Variants in PCDHGB4 observed in about 807,000 individuals in gnomAD.
PCDHGB4 encodes protocadherin gamma-B4.
PCDHGB4 carries 38 observed loss-of-function variants against 60.5 expected under a neutral mutation model. That is an observed-to-expected ratio of 0.63 (90% CI 0.48 to 0.82). The LOEUF (loss-of-function observed/expected upper bound fraction) is 0.82. Among genes scored for constraint, PCDHGB4 ranks in the 40% least tolerant of loss-of-function variants. The pLI is 0.00. For missense variants in PCDHGB4, 1,109 were observed against 1,209.6 expected (o/e 0.92, Z 1.23); for synonymous variants, 456 against 509.7 (o/e 0.89, Z 1.42).
rs886099464 is a variant in PCDHGB4, at chr5:141,389,778, G to A, written c.1894G>A (p.Asp632Asn). 1.9e-6 allele frequency: 3 copies of A among 1,613,134 alleles called. No homozygotes were observed. Among genetic ancestry groups the A allele is most frequent in the Non-Finnish European group, 2.5e-6 (3 of 1,179,760 alleles). Residue 632 changes from aspartate to asparagine, a missense_variant, in exon 1 of 4, where the codon GAC becomes AAC. Physicochemically the swap from Asp to Asn is conservative, Grantham distance 23. Coordinates refer to ENST00000519479, the MANE Select transcript of PCDHGB4 (RefSeq NM_003736.4). ...AGTGCGCACAGCGCGTGCCTTAGGC[G>A]ACAGGGACGCCGTCCGCCAGCGCCT... The part of the protein sequence containing the change: ...GEVRTARALG[D>N]RDAVRQRLLV...
In PCDHGB4 at chr5:141,512,739, T is replaced by C. The variant is rs1251649814; in HGVS notation, c.*1566T>C. The stretch of plus-strand genomic sequence containing the variant: ...GGCGGGTGGGCAGCGGGCGGCGGGC[T>C]CCGCGCAGCCGTCTGTCCTTGATCT... On this transcript the variant is annotated 3_prime_UTR_variant, in exon 4 of 4. Transcript: ENST00000519479. 1 of 152,822 alleles carries C rather than the reference T, an allele frequency of 6.5e-6. No individual in the cohort carries two copies. The highest frequency in any genetic ancestry group is 2.4e-5 in the African/African-American group (1 of 41,464). 9.5% of individuals were successfully genotyped at this position (152,822 alleles called of 1,614,324 possible).
Position 141,510,982 on chromosome 5 carries a change from G to A in PCDHGB4, c.2581G>A (p.Ala861Thr). The A allele has an allele frequency of 3.1e-6, 5 of 1,614,166 alleles. No homozygotes were observed. Among genetic ancestry groups the A allele is most frequent in the Non-Finnish European group, 3.4e-6 (4 of 1,180,018 alleles). Reference protein sequence around the residue: ...ADGSSTLGGGAGTMGLSARYG... With the variant: ...ADGSSTLGGGTGTMGLSARYG... Reference sequence around the variant, plus strand: ...TGGGAGCTCCACCCTGGGAGGGGGTGCCGGCACCATGGGATTGAGCGCCCG... The same window carrying A: ...TGGGAGCTCCACCCTGGGAGGGGGTACCGGCACCATGGGATTGAGCGCCCG... The change falls in exon 4 of 4, where the codon GCC (alanine) becomes ACC (threonine). Residue 861 changes from alanine to threonine, a missense_variant. Around this residue, in one of 2 missense-constraint regions of PCDHGB4, gnomAD observed 1,068 missense variants for 1,089.9 expected, o/e 0.98. Coordinates refer to ENST00000519479, the MANE Select transcript of PCDHGB4 (RefSeq NM_003736.4).
intron 1 of PCDHGB4, among the ~76,000 whole-genome samples, chr5:141,436,832 C>T (rs1242760381): frequency 6.6e-6 from 1 of 152,172 alleles, no homozygotes; most frequent in African/African-American, 2.4e-5. Flanking sequence ...ATCTTAAGTG[C>T]CTAGGCACAT....
rs1445900617 is a variant in PCDHGB4, at chr5:141,388,887, G to T, written c.1003G>T (p.Val335Phe). 1 of 1,613,988 alleles carries T rather than the reference G, an allele frequency of 6.2e-7. No individual in the cohort carries two copies. The highest frequency in any genetic ancestry group is 1.1e-5 in the South Asian group (1 of 91,080). ...MIAQCTVEVEVIDENDNAPEV... is the reference protein window; with the variant it reads ...MIAQCTVEVEFIDENDNAPEV... ...TGCGCAATGCACAGTGGAGGTAGAA[G>T]TCATAGATGAAAATGACAACGCCCC... The change falls in exon 1 of 4, where the codon GTC becomes TTC. Residue 335 changes from valine to phenylalanine, a missense_variant. By Grantham distance (50) the Val-to-Phe change is conservative. Around this residue, in one of 2 missense-constraint regions of PCDHGB4, gnomAD observed 1,068 missense variants for 1,089.9 expected, o/e 0.98. Transcript: ENST00000519479.
At chr5:141,394,471 T>C (rs2093007845) in intron 1 of PCDHGB4, 3 of 1,614,250 alleles carry the variant, frequency 1.9e-6, no homozygotes, top group Non-Finnish European at 2.5e-6. Flanking sequence ...CTGTTCGTGC[T>C]GGACCAGAAT....
At position 141,389,374 on chromosome 5, in the gene PCDHGB4, G is replaced by C. The variant is rs192606668; in HGVS notation, c.1490G>C (p.Arg497Pro). 6 of 1,613,666 alleles carry C rather than the reference G, an allele frequency of 3.7e-6. No homozygotes were observed. The highest frequency in any genetic ancestry group is 1.7e-5 in the Admixed American group (1 of 60,012). The change falls in exon 1 of 4, where the codon CGG (arginine) becomes CCG (proline). Residue 497 changes from arginine (R) to proline (P), a missense_variant. Around this residue, in one of 2 missense-constraint regions of PCDHGB4, gnomAD observed 1,068 missense variants for 1,089.9 expected, o/e 0.98. Coordinates refer to ENST00000519479, the MANE Select transcript of PCDHGB4 (RefSeq NM_003736.4). Reference protein sequence around the residue: ...YCIMASDLEQRELSSYVSISA... With the variant: ...YCIMASDLEQPELSSYVSISA... ...ATCATGGCCAGTGACCTGGAGCAGC[G>C]GGAGCTGTCATCCTACGTGTCCATA...
chr5:141,494,431 T>C (rs1403792155), intron 1 of PCDHGB4, among the ~76,000 whole-genome samples: 1 of 152,158 alleles, frequency 6.6e-6, no homozygotes, highest in Non-Finnish European at 1.5e-5. Context: ...TTGAAAAGCC[T>C]CCTTTGCCAC....
intron 1 of PCDHGB4, among the ~76,000 whole-genome samples, chr5:141,457,755 A>G (rs1011599369): frequency 2.0e-5 from 3 of 152,226 alleles, no homozygotes; most frequent in African/African-American, 4.8e-5. Flanking sequence ...GAGCCCAGAC[A>G]TGGGTTTGTA....
chr5:141,477,087 C>A lies in PCDHGB4; in HGVS notation c.2398-17720C>A, dbSNP rs748424193. 14 of 1,614,244 alleles carry A rather than the reference C, an allele frequency of 8.7e-6. No individual in the cohort carries two copies. Among genetic ancestry groups the A allele is most frequent in the Non-Finnish European group, 8.5e-7 (1 of 1,180,048 alleles). On this transcript the variant is annotated intron_variant, in intron 1 of 3. Transcript: ENST00000519479. This position sits in a 1 kb window ranked among gnomAD's most constrained non-coding sequence, Gnocchi z 4.9. ...AAACTCCATGAGATTTACATCCAGG[C>A]CAAAGACAAGGGCGCCAATCCCGAA...
Position 141,410,849 on chromosome 5 carries a change from C to CTTTTTTTTT in PCDHGB4, c.2397+20582_2397+20590dup, listed in dbSNP as rs759346998. 1.7e-3 allele frequency: 239 copies of CTTTTTTTTT among 138,144 alleles called. 16 individuals are homozygous for CTTTTTTTTT. Among genetic ancestry groups the CTTTTTTTTT allele is most frequent in the African/African-American group, 4.5e-3 (75 of 16,616 alleles). 8.6% of individuals were successfully genotyped at this position (138,144 alleles called of 1,614,324 possible). On this transcript the variant is annotated intron_variant, in intron 1 of 3. Coordinates refer to ENST00000519479, the MANE Select transcript of PCDHGB4 (RefSeq NM_003736.4). ...CAGACTGAAGATATTTTGTCTTTGT[C>CTTTTTTTTT]TTTTTTTTTTTTTTTTTTTTTTGAG...
chr5:141,494,198 C>T (rs1383940298), intron 1 of PCDHGB4, among the ~76,000 whole-genome samples: 8 of 152,158 alleles, frequency 5.3e-5, no homozygotes, highest in African/African-American at 1.7e-4. Context: ...TTGGATGCCC[C>T]GCAAAGGCCC....
chr5:141,478,259 T>A lies in PCDHGB4; in HGVS notation c.2398-16548T>A, dbSNP rs534973741. ...GGTCACAGTGTTCGGAGTAATCATA[T>A]TCAAAGTTTACAAGTGGAAGCAGTC... On this transcript the variant is annotated intron_variant, in intron 1 of 3. Transcript: ENST00000519479. 3.2e-5 allele frequency: 52 copies of A among 1,614,064 alleles called. No individual in the cohort carries two copies. The highest frequency in any genetic ancestry group is 4.4e-5 in the Non-Finnish European group (52 of 1,180,048).
At chr5:141,392,837 C>T (rs772636303) in intron 1 of PCDHGB4, 1 of 1,608,294 alleles carries the variant, frequency 6.2e-7, no homozygotes. Context: ...AGAGTCGCCC[C>T]AGACGCGGCG....
At position 141,388,141 on chromosome 5, in the gene PCDHGB4, T is replaced by C. The variant is rs1239201119; in HGVS notation, c.257T>C (p.Val86Ala). Residue 86 changes from valine to alanine, a missense_variant, in exon 1 of 4, where the codon GTG becomes GCG. This residue lies in a region of PCDHGB4 where 1,068 missense variants were observed against 1,089.9 expected (regional missense o/e 0.98). Transcript: ENST00000519479. ...AGCGCAGAGAGCGGGGAGTTGCTTG[T>C]GAGCAGCAGGCTAGACAGGGAGGAG... Reference protein sequence around the residue: ...TVSAESGELLVSSRLDREEIC... With the variant: ...TVSAESGELLASSRLDREEIC... 6.9e-7 allele frequency: 1 copy of C among 1,456,446 alleles called. No individual in the cohort carries two copies. The highest frequency in any genetic ancestry group is 2.3e-4 in the Middle Eastern group (1 of 4,348). The allele number at this position is 1,456,446 out of a possible 1,614,324, so 90.2% of individuals were successfully genotyped here. A position where few individuals can be genotyped will look rare whatever the true frequency, so the allele number is the denominator to read the frequency against.
intron 2 of PCDHGB4, among the ~76,000 whole-genome samples, chr5:141,496,486 C>T (rs186488143): frequency 1.3e-5 from 2 of 152,322 alleles, no homozygotes; most frequent in East Asian, 3.9e-4. Flanking sequence ...CTGCAACCAA[C>T]CAAACCCTTG....
chr5:141,416,523 C>G (rs2096035969), intron 1 of PCDHGB4: 1 of 152,064 alleles, frequency 6.6e-6, no homozygotes, highest in Admixed American at 6.6e-5. Flanking sequence ...TTCAGTGGCT[C>G]TTTAATGTAT....
chr5:141,484,333 A>T (rs1019527273), intron 1 of PCDHGB4, among the ~76,000 whole-genome samples: 2 of 152,198 alleles, frequency 1.3e-5, no homozygotes, highest in Non-Finnish European at 2.9e-5. Flanking sequence ...CCTTGAAATC[A>T]ATGAATGGTA....
At chr5:141,468,802 C>G (rs928501013) in intron 1 of PCDHGB4, among the ~76,000 whole-genome samples, 1 of 151,620 alleles carries the variant, frequency 6.6e-6, no homozygotes, top group African/African-American at 2.4e-5. Context: ...GGAGGCGGAA[C>G]TTGCAGTGAG....
chr5:141,421,695 T>C (rs374319762), intron 1 of PCDHGB4: 15 of 1,613,840 alleles, frequency 9.3e-6, no homozygotes, highest in Non-Finnish European at 1.2e-5. Context: ...TTGCTCTTCC[T>C]AATGCTAGGG....
Sources: allele counts gnomAD v4.1 joint callset (sites outside exome capture counted in the v4.1 genomes callset), GRCh38; gene constraint gnomAD v4.1.1; regional missense constraint gnomAD v4.1.1; non-coding constraint Gnocchi (gnomAD v3.1); transcripts MANE v1.5; gene names NCBI Gene and HGNC (gene_info 2026-07-23, HGNC 2026-07-21).